SGCD: variants seen among roughly 807,000 people sequenced by gnomAD.
The protein encoded by SGCD is sarcoglycan delta.
Under a neutral mutation model 36.6 loss-of-function variants are expected in SGCD, and 18 were observed. That is an observed-to-expected ratio of 0.49 (90% CI 0.34 to 0.73). The LOEUF (loss-of-function observed/expected upper bound fraction) is 0.73. SGCD is among the 30% of genes least tolerant of loss of function. The pLI is 0.01. For synonymous variants in SGCD, 133 were observed against 130.6 expected, an observed-to-expected ratio of 1.02 and a Z score of -0.12; for missense variants, 387 against 346.7, an observed-to-expected ratio of 1.12 and a Z score of -0.92.
At chr5:156,070,300 G>A (rs959363171) in intron 1 of SGCD, among the ~76,000 whole-genome samples, 18 of 152,014 alleles carry the variant, frequency 1.2e-4, no homozygotes, top group South Asian at 2.1e-4. Context: ...TTTGAGATAC[G>A]TCCCATCAAT....
the SGCD span, among the ~76,000 whole-genome samples, chr5:155,784,052 G>A: frequency 2.0e-5 from 3 of 152,150 alleles, no homozygotes; most frequent in Non-Finnish European, 4.4e-5. Context: ...ACAGGCATTG[G>A]TCCCTGCTCA....
chr5:156,337,476 T>A lies in SGCD; in HGVS notation c.4-7013T>A, dbSNP rs541840420. On this transcript the variant is annotated intron_variant, in intron 2 of 8. Coordinates refer to ENST00000337851, the MANE Select transcript of SGCD (RefSeq NM_000337.6). The stretch of plus-strand genomic sequence containing the variant: ...TTCTACAAACTCACCTCTCACCCTC[T>A]CCTCTGAGCTCATTCAATCCAACTC... Among the ~76,000 whole-genome samples the A allele has an allele frequency of 2.0e-5, 3 of 152,296 alleles. No homozygotes were observed. The South Asian group carries it at 6.2e-4, about 32-fold the overall frequency.
chr5:155,803,214 A>G, the SGCD span, among the ~76,000 whole-genome samples: 1 of 152,242 alleles, frequency 6.6e-6, no homozygotes, highest in Non-Finnish European at 1.5e-5. Flanking sequence ...AGGGAATTTA[A>G]TGATACAGAT....
At chr5:156,746,964 A>C (rs192742603) in intron 7 of SGCD, among the ~76,000 whole-genome samples, 1 of 152,160 alleles carries the variant, frequency 6.6e-6, no homozygotes, top group Non-Finnish European at 1.5e-5. Context: ...CTTGAAATAT[A>C]TATGAAAAAG....
chr5:156,225,182 C>T (rs1232049379), intron 3 of SGCD, among the ~76,000 whole-genome samples: 1 of 152,046 alleles, frequency 6.6e-6, no homozygotes, highest in Non-Finnish European at 1.5e-5. Flanking sequence ...ACACTTTATT[C>T]CCTTGGTGTT....
rs183850016 is a variant in SGCD at position 156,205,979 on chromosome 5, A to G, written c.-44+81960A>G. ...CTATGTTGCACATATATGTGTGTGT[A>G]TATATATATATTTTATATATATATA... On this transcript the variant is annotated intron_variant, in intron 3 of 9. Transcript: ENST00000517913. Among the ~76,000 whole-genome samples the G allele has an allele frequency of 6.4e-3, 888 of 138,070 alleles. 11 individuals carry two copies. The highest frequency in any genetic ancestry group is 0.022 in the African/African-American group (853 of 39,590). The allele number at this position is 138,070 out of a possible 152,430, so 90.6% of individuals were successfully genotyped here.
intron 1 of SGCD, among the ~76,000 whole-genome samples, chr5:156,042,773 C>T (rs1274866719): frequency 6.6e-6 from 1 of 152,134 alleles, no homozygotes; most frequent in Non-Finnish European, 1.5e-5. Context: ...GAAGGCCAAT[C>T]TTAGGTTCTG....
At chr5:156,482,927 T>G (rs1183413964) in intron 3 of SGCD, among the ~76,000 whole-genome samples, 1 of 151,526 alleles carries the variant, frequency 6.6e-6, no homozygotes, top group Non-Finnish European at 1.5e-5. Context: ...GAGAATTCTT[T>G]GTTGCACAGG....
At chr5:156,035,162 C>A (rs967622717) in intron 1 of SGCD, among the ~76,000 whole-genome samples, 1 of 152,148 alleles carries the variant, frequency 6.6e-6, no homozygotes, top group Non-Finnish European at 1.5e-5. Context: ...CTCGGTGAGT[C>A]TGTTTGTTTT....
chr5:155,945,527 G>C (rs1387181790), intron 1 of SGCD, among the ~76,000 whole-genome samples: 2 of 152,188 alleles, frequency 1.3e-5, no homozygotes, highest in Non-Finnish European at 2.9e-5. Context: ...GAAGGCAAAA[G>C]CCTGAGGAGC....
chr5:155,823,568 G>C, the SGCD span, among the ~76,000 whole-genome samples: 1 of 152,146 alleles, frequency 6.6e-6, no homozygotes, highest in Non-Finnish European at 1.5e-5. Flanking sequence ...TTTGTCTTCT[G>C]CAAAGTTGGG....
the SGCD span, among the ~76,000 whole-genome samples, chr5:155,729,017 C>G: frequency 6.6e-6 from 1 of 152,254 alleles, no homozygotes; most frequent in Admixed American, 6.5e-5. Context: ...TGGAGGCCCC[C>G]TTTACCCCCA....
intron 1 of SGCD, among the ~76,000 whole-genome samples, chr5:155,971,982 G>A (rs866047588): frequency 1.3e-5 from 2 of 151,950 alleles, no homozygotes; most frequent in South Asian, 2.1e-4. Context: ...TCAATTACTC[G>A]CCTTCAAACA....
At chr5:156,274,514 A>T (rs757849157) in intron 3 of SGCD, among the ~76,000 whole-genome samples, 1 of 152,076 alleles carries the variant, frequency 6.6e-6, no homozygotes, top group Non-Finnish European at 1.5e-5. Context: ...ACTTGGTTCA[A>T]ACTTTGGGAG....
chr5:156,422,412 G>A (rs1430527063), intron 3 of SGCD, among the ~76,000 whole-genome samples: 1 of 151,944 alleles, frequency 6.6e-6, no homozygotes, highest in Admixed American at 6.6e-5. Flanking sequence ...GCAGGTAACT[G>A]TCAAAGGATT....
chr5:156,417,115 T>C (rs1268184528), intron 3 of SGCD, among the ~76,000 whole-genome samples: 1 of 152,180 alleles, frequency 6.6e-6, no homozygotes, highest in Admixed American at 6.5e-5. Context: ...AAAAATGTAT[T>C]TGAGAAAACT....
intron 3 of SGCD, among the ~76,000 whole-genome samples, chr5:156,139,744 A>T (rs907021572): frequency 1.3e-5 from 2 of 152,190 alleles, no homozygotes; most frequent in Non-Finnish European, 2.9e-5. Flanking sequence ...TAGGAAGAAA[A>T]CTGGTAGCAT....
intron 3 of SGCD, among the ~76,000 whole-genome samples, chr5:156,383,816 T>G (rs1284380009): frequency 6.6e-6 from 1 of 152,196 alleles, no homozygotes; most frequent in African/African-American, 2.4e-5. Context: ...AGATCGTATC[T>G]TCTTTGATGA....
At chr5:155,840,331 C>T in the SGCD span, among the ~76,000 whole-genome samples, 4 of 151,542 alleles carry the variant, frequency 2.6e-5, no homozygotes, top group Non-Finnish European at 5.9e-5. Context: ...GCAAGCTCCA[C>T]CTCCTAGGTT....
Sources: gnomAD v4.1 joint callset for allele counts (sites outside exome capture counted in the v4.1 genomes callset) on GRCh38, gnomAD v4.1.1 for gene constraint, MANE v1.5 for transcripts, NCBI Gene and HGNC (gene_info 2026-07-23, HGNC 2026-07-21) for gene names.